The following GRID2 variants were observed in gnomAD, a reference collection of about 807,000 sequenced individuals.
GRID2 encodes glutamate receptor ionotropic, delta-2.
Under a neutral mutation model 114.8 loss-of-function variants are expected in GRID2, and 33 were observed. That is an observed-to-expected ratio of 0.29 (90% CI 0.22 to 0.38). The LOEUF (loss-of-function observed/expected upper bound fraction) is 0.38, where lower values mean the gene tolerates loss of function less well. Ranked by LOEUF, GRID2 falls within the 10% of genes least tolerant of loss-of-function variation. The pLI is 1.00. For missense variants in GRID2, 1,184 were observed against 1,257.7 expected, an observed-to-expected ratio of 0.94 and a Z score of 0.89; for synonymous variants, 505 against 449.9, an observed-to-expected ratio of 1.12 and a Z score of -1.55.
intron 8 of GRID2, among the ~76,000 whole-genome samples, chr4:93,284,275 A>G (rs986663831): frequency 4.6e-5 from 7 of 152,048 alleles, no homozygotes; most frequent in Non-Finnish European, 7.4e-5. Context: ...TGAAAATATT[A>G]GAAGAGCTAG....
At chr4:92,822,261 T>A (rs1183265216) in intron 2 of GRID2, 113 of 571,604 alleles carry the variant, frequency 2.0e-4, no homozygotes, top group Non-Finnish European at 6.6e-5. Context: ...CTTGCCTTTG[T>A]TGAGATCGCA....
chr4:92,659,345 G>A, intron 2 of GRID2, among the ~76,000 whole-genome samples: 1 of 151,376 alleles, frequency 6.6e-6, no homozygotes, highest in Non-Finnish European at 1.5e-5. Context: ...GGGAAAGCTG[G>A]GTAAATACAC....
intron 8 of GRID2, among the ~76,000 whole-genome samples, chr4:93,391,774 T>G (rs937788118): frequency 1.3e-5 from 2 of 152,166 alleles, no homozygotes; most frequent in Non-Finnish European, 2.9e-5. Context: ...ATTTAAAACT[T>G]GATCATTAGT....
chr4:93,765,825 A>C (rs868055154), intron 14 of GRID2, among the ~76,000 whole-genome samples: 19 of 152,176 alleles, frequency 1.2e-4, no homozygotes, highest in Middle Eastern at 3.4e-3. Flanking sequence ...GGCATTAAAA[A>C]AATGGCTTCA....
intron 9 of GRID2, among the ~76,000 whole-genome samples, chr4:93,401,191 T>G (rs1765849799): frequency 6.7e-6 from 1 of 150,122 alleles, no homozygotes; most frequent in Non-Finnish European, 1.5e-5. Context: ...GTGCAGTTGT[T>G]CTCCATTAAA....
At chr4:93,374,146 G>A (rs1271574023) in intron 8 of GRID2, among the ~76,000 whole-genome samples, 1 of 152,250 alleles carries the variant, frequency 6.6e-6, no homozygotes, top group African/African-American at 2.4e-5. Context: ...TGTAGATGAA[G>A]AAAATTCATT....
At chr4:93,546,915 A>G (rs1038273313) in intron 13 of GRID2, among the ~76,000 whole-genome samples, 1 of 152,122 alleles carries the variant, frequency 6.6e-6, no homozygotes, top group African/African-American at 2.4e-5. Context: ...TACTTTAGGT[A>G]TATCATAGAA....
chr4:92,700,552 G>A (rs895700265), intron 2 of GRID2, among the ~76,000 whole-genome samples: 1 of 151,966 alleles, frequency 6.6e-6, no homozygotes, highest in Non-Finnish European at 1.5e-5. Flanking sequence ...ATTTCCACTT[G>A]TTCACTTATT....
chr4:93,417,372 C>A (rs1288768693), intron 9 of GRID2, among the ~76,000 whole-genome samples: 2 of 152,050 alleles, frequency 1.3e-5, no homozygotes, highest in African/African-American at 4.8e-5. Flanking sequence ...GGCTTCGTTG[C>A]CCTCCATTAT....
intron 2 of GRID2, among the ~76,000 whole-genome samples, chr4:92,677,121 G>A (rs1733414475): frequency 6.6e-6 from 1 of 152,158 alleles, no homozygotes; most frequent in Admixed American, 6.5e-5. Flanking sequence ...GGGAAGAGAG[G>A]AGGTTGGGGA....
At chr4:93,451,281 GAATGTA>G (rs1166338616) in intron 10 of GRID2, among the ~76,000 whole-genome samples, 1 of 152,050 alleles carries the variant, frequency 6.6e-6, no homozygotes, top group Non-Finnish European at 1.5e-5. Context: ...GGAAAGTGAG[GAATGTA>G]AACTTCTGAT....
At chr4:93,748,513 T>A (rs1478446185) in intron 14 of GRID2, among the ~76,000 whole-genome samples, 4 of 152,194 alleles carry the variant, frequency 2.6e-5, no homozygotes, top group Non-Finnish European at 4.4e-5. Context: ...CAGTTGTAAT[T>A]AGTTGAAACT....
chr4:93,455,049 C>T (rs1205798213), intron 10 of GRID2, among the ~76,000 whole-genome samples: 1 of 152,072 alleles, frequency 6.6e-6, no homozygotes, highest in Non-Finnish European at 1.5e-5. Flanking sequence ...GAAGAATTCT[C>T]TTTCCTTAAT....
intron 2 of GRID2, among the ~76,000 whole-genome samples, chr4:92,806,232 A>G (rs1740410044): frequency 6.6e-6 from 1 of 150,944 alleles, no homozygotes; most frequent in South Asian, 2.1e-4. Context: ...AATAAATCAC[A>G]TTTTCGTTAC....
At chr4:92,372,278 G>A (rs144080471) in intron 1 of GRID2, among the ~76,000 whole-genome samples, 6 of 152,272 alleles carry the variant, frequency 3.9e-5, no homozygotes, top group African/African-American at 1.4e-4. Flanking sequence ...GTTCTACCGT[G>A]AGTGAAATGC....
At chr4:93,157,372 G>C (rs1737284429) in intron 4 of GRID2, among the ~76,000 whole-genome samples, 1 of 151,586 alleles carries the variant, frequency 6.6e-6, no homozygotes, top group African/African-American at 2.4e-5. Context: ...CCTATTTAAT[G>C]TAGTTTTTAA....
intron 2 of GRID2, among the ~76,000 whole-genome samples, chr4:92,998,998 A>G (rs981465971): frequency 6.6e-6 from 1 of 151,752 alleles, no homozygotes; most frequent in Non-Finnish European, 1.5e-5. Context: ...TTTATTTTAA[A>G]ATGTTCTTTG....
At chr4:93,480,152 CT>C (rs954749890) in intron 11 of GRID2, among the ~76,000 whole-genome samples, 10 of 151,990 alleles carry the variant, frequency 6.6e-5, no homozygotes, top group African/African-American at 2.4e-4. Context: ...TAGGAGAATA[CT>C]TAAATAAGCT....
At chr4:92,718,117 T>C (rs894415424) in intron 2 of GRID2, among the ~76,000 whole-genome samples, 9 of 152,224 alleles carry the variant, frequency 5.9e-5, no homozygotes, top group East Asian at 1.9e-4. Flanking sequence ...TAATCACATG[T>C]GTAATCAACC....
Sources: allele counts gnomAD v4.1 joint callset (sites outside exome capture counted in the v4.1 genomes callset), GRCh38; gene constraint gnomAD v4.1.1; transcripts MANE v1.5; gene names NCBI Gene and HGNC (gene_info 2026-07-23, HGNC 2026-07-21).